Variants in USP10 observed in about 807,000 individuals in gnomAD.
USP10 encodes the protein ubiquitin carboxyl-terminal hydrolase 10.
In USP10, 22 loss-of-function variants were observed where a neutral mutation model predicts 84.5. The observed-to-expected ratio is 0.26, with a 90% CI of 0.19 to 0.37. The LOEUF (loss-of-function observed/expected upper bound fraction) is 0.37. Ranked by LOEUF, USP10 falls within the 10% of genes least tolerant of loss-of-function variation. USP10 has a pLI of 1.00. For synonymous variants in USP10, 454 were observed against 387.6 expected (o/e 1.17, Z -2.01); for missense variants, 1,019 against 998.9 (o/e 1.02, Z -0.27).
At chr16:84,766,343 G>T (rs371292425) in intron 10 of USP10, among the ~76,000 whole-genome samples, 1 of 152,186 alleles carries the variant, frequency 6.6e-6, no homozygotes, top group African/African-American at 2.4e-5. Flanking sequence ...GAGTGTCCAC[G>T]GCAGCTGGGT....
At chr16:84,722,438 G>A (rs373402447) in intron 1 of USP10, among the ~76,000 whole-genome samples, 1 of 152,252 alleles carries the variant, frequency 6.6e-6, no homozygotes, top group Non-Finnish European at 1.5e-5. Context: ...TGGGTAAAAT[G>A]TGGTAAGCGT....
chr16:84,728,208 C>T (rs1036278894), intron 1 of USP10, among the ~76,000 whole-genome samples: 10 of 152,158 alleles, frequency 6.6e-5, no homozygotes, highest in African/African-American at 2.2e-4. Flanking sequence ...CTGTGATAAA[C>T]TTTTTGGTGT....
chr16:84,721,180 C>T (rs1272467524), intron 1 of USP10, among the ~76,000 whole-genome samples: 1 of 152,114 alleles, frequency 6.6e-6, no homozygotes, highest in Non-Finnish European at 1.5e-5. Flanking sequence ...GTGTGAGCCA[C>T]CATGCCCGGC....
intron 10 of USP10, among the ~76,000 whole-genome samples, chr16:84,766,490 G>C (rs893680558): frequency 1.3e-5 from 2 of 152,264 alleles, no homozygotes. Context: ...TGCTCCTTCA[G>C]CCCAGCAGCC....
At chr16:84,766,432 C>T (rs1414857419) in intron 10 of USP10, among the ~76,000 whole-genome samples, 1 of 152,154 alleles carries the variant, frequency 6.6e-6, no homozygotes, top group African/African-American at 2.4e-5. Context: ...GGGAGGGAGA[C>T]GCTGAGGTCC....
chr16:84,732,394 G>T (rs1008177282), intron 1 of USP10: 1 of 383,776 alleles, frequency 2.6e-6, no homozygotes, highest in Non-Finnish European at 5.0e-6. Context: ...ATGAATCATT[G>T]CTTCTCCGTT....
At chr16:84,750,913 T>C (rs1030208957) in intron 4 of USP10, among the ~76,000 whole-genome samples, 7 of 152,218 alleles carry the variant, frequency 4.6e-5, no homozygotes, top group African/African-American at 1.7e-4. Context: ...ATATGATTTT[T>C]CACAGTGGTT....
chr16:84,737,516 AAC>A (rs1008341928), intron 2 of USP10, among the ~76,000 whole-genome samples: 2 of 152,200 alleles, frequency 1.3e-5, no homozygotes, highest in African/African-American at 4.8e-5. Context: ...TGTGGAATAA[AAC>A]ACACACATTT....
chr16:84,740,777 T>C (rs533845715), intron 3 of USP10, among the ~76,000 whole-genome samples: 1 of 152,376 alleles, frequency 6.6e-6, no homozygotes, highest in East Asian at 1.9e-4. Context: ...CTGGCATCTG[T>C]TGTTCTTGCA....
chr16:84,714,209 C>T (rs908345268), intron 1 of USP10, among the ~76,000 whole-genome samples: 5 of 149,330 alleles, frequency 3.3e-5, no homozygotes, highest in South Asian at 2.2e-4. Context: ...CTTAGGGTGG[C>T]GGGAGGTGGG....
intron 11 of USP10, among the ~76,000 whole-genome samples, chr16:84,768,912 C>A (rs77493977): frequency 0.012 from 1,836 of 152,298 alleles, 31 homozygotes; most frequent in African/African-American, 0.041. Context: ...AAGAGTATCA[C>A]ATTATAGCTT....
intron 4 of USP10, among the ~76,000 whole-genome samples, chr16:84,758,048 T>C (rs1489433371): frequency 6.6e-6 from 1 of 152,226 alleles, no homozygotes; most frequent in Non-Finnish European, 1.5e-5. Context: ...CACAGCTGTT[T>C]TAATACACAG....
Position 84,745,383 on chromosome 16 carries a change from G to A in USP10, c.902G>A (p.Gly301Glu). ...ESSGEGTATN[G>E]VELHTTESID... ...TCGGGTGAGGGCACAGCTACCAACG[G>A]GGTGGAGTTGCACACCACGGAAAGC... The change falls in exon 4 of 14, where the codon GGG (glycine) becomes GAG (glutamate). Residue 301 changes from glycine to glutamate, a missense_variant. Transcript: ENST00000219473. The A allele has an allele frequency of 6.2e-7, 1 of 1,613,442 alleles. No individual in the cohort carries two copies. The highest frequency in any genetic ancestry group is 8.5e-7 in the Non-Finnish European group (1 of 1,179,714).
chr16:84,755,436 TCACTCCTACACGCTGCCCC>T (rs764381760), intron 4 of USP10, among the ~76,000 whole-genome samples: 73 of 151,904 alleles, frequency 4.8e-4, no homozygotes, highest in Admixed American at 2.2e-3. Flanking sequence ...CTTGCTGTCT[TCACTCCTACACGCTGCCCC>T]CACTCCTACA....
At chr16:84,748,234 A>G (rs1911482962) in intron 4 of USP10, among the ~76,000 whole-genome samples, 1 of 151,872 alleles carries the variant, frequency 6.6e-6, no homozygotes, top group Non-Finnish European at 1.5e-5. Flanking sequence ...TTTTTAACCT[A>G]TAATGAGAAA....
chr16:84,732,819 A>G (rs929888083), intron 1 of USP10, among the ~76,000 whole-genome samples: 1 of 152,200 alleles, frequency 6.6e-6, no homozygotes, highest in African/African-American at 2.4e-5. Context: ...ACATCCGTGC[A>G]GTTTAACCAC....
intron 1 of USP10, among the ~76,000 whole-genome samples, chr16:84,730,448 G>A (rs531234087): frequency 1.6e-4 from 24 of 152,080 alleles, no homozygotes; most frequent in African/African-American, 5.3e-4. Context: ...ATAAAAACAC[G>A]CTTAAAATCT....
intron 10 of USP10, 142 bp downstream of exon 10, chr16:84,764,405 C>T (rs1395244585): frequency 1.7e-6 from 2 of 1,146,210 alleles, no homozygotes; most frequent in Non-Finnish European, 2.5e-6. Flanking sequence ...TCTTCTCTTG[C>T]ACTTCCTGAT....
intron 11 of USP10, 39 bp from the exon 12 acceptor site, chr16:84,772,502 A>C (rs1210506685): frequency 6.2e-7 from 1 of 1,609,614 alleles, no homozygotes; most frequent in Admixed American, 1.7e-5. Flanking sequence ...GTTGCAAGTA[A>C]GACAGGGACG....
Sources: allele counts gnomAD v4.1 joint callset (sites outside exome capture counted in the v4.1 genomes callset), GRCh38; gene constraint gnomAD v4.1.1; transcripts MANE v1.5; gene names NCBI Gene and HGNC (gene_info 2026-07-23, HGNC 2026-07-21).